Variants in EWSR1 observed in about 807,000 individuals in gnomAD.
EWSR1 encodes RNA-binding protein EWS.
Under a neutral mutation model 92.1 loss-of-function variants are expected in EWSR1, and 14 were observed. That is an observed-to-expected ratio of 0.15 (90% confidence interval 0.10 to 0.24). The LOEUF is 0.24. Among genes scored for constraint, EWSR1 ranks in the 10% least tolerant of loss-of-function variants. The pLI, the probability that EWSR1 is intolerant of heterozygous loss-of-function variation, is 1.00. For synonymous variants in EWSR1, 303 were observed against 292.9 expected, an observed-to-expected ratio of 1.03 and a Z score of -0.35; for missense variants, 637 against 870.9, an observed-to-expected ratio of 0.73 and a Z score of 3.38.
chr22:29,268,511 C>G (rs1390887643), intron 1 of EWSR1, among the ~76,000 whole-genome samples, 162 bp downstream of exon 1: 1 of 152,204 alleles, frequency 6.6e-6, no homozygotes. Flanking sequence ...TTCCTCTCCC[C>G]TCCCCCAACC....
intron 11 of EWSR1, chr22:29,295,491 T>C (rs2060785264): frequency 4.8e-6 from 1 of 209,536 alleles, no homozygotes; most frequent in Non-Finnish European, 9.7e-6. Flanking sequence ...ATTTCCACAT[T>C]ATTCATACCA....
At chr22:29,278,259 G>T in intron 5 of EWSR1, 43 bp downstream of exon 5, 1 of 1,578,586 alleles carries the variant, frequency 6.3e-7, no homozygotes. Context: ...TATGTTGGAG[G>T]GAAAGAAAGC....
chr22:29,299,903 G>A, intron 16 of EWSR1, 52 bp downstream of exon 16: 2 of 1,532,162 alleles, frequency 1.3e-6, no homozygotes, highest in Middle Eastern at 3.9e-4. Context: ...TAAGAGGACA[G>A]CCCTTCCCAG....
intron 15 of EWSR1, 102 bp downstream of exon 15, chr22:29,299,433 T>C (rs1176115227): frequency 2.0e-6 from 3 of 1,510,566 alleles, no homozygotes; most frequent in African/African-American, 1.4e-5. Context: ...CTTAACAACT[T>C]TGAGTTGTCG....
chr22:29,298,501 C>A (rs1280120295), intron 13 of EWSR1, among the ~76,000 whole-genome samples: 1 of 136,730 alleles, frequency 7.3e-6, no homozygotes. Flanking sequence ...TGTGAGACTC[C>A]GTCTCCAAAA....
At chr22:29,279,635 T>G (rs1304656352) in intron 5 of EWSR1, among the ~76,000 whole-genome samples, 1 of 152,234 alleles carries the variant, frequency 6.6e-6, no homozygotes, top group Admixed American at 6.5e-5. Context: ...GAAGACATTT[T>G]AGGAAATCAA....
intron 4 of EWSR1, chr22:29,275,709 A>G: frequency 4.4e-6 from 1 of 229,638 alleles, no homozygotes; most frequent in Non-Finnish European, 8.6e-6. Flanking sequence ...GAGGGAATAC[A>G]TAGAAATACA....
At chr22:29,285,747 G>A (rs2059976399) in intron 6 of EWSR1, among the ~76,000 whole-genome samples, 1 of 151,234 alleles carries the variant, frequency 6.6e-6, no homozygotes, top group Non-Finnish European at 1.5e-5. Flanking sequence ...CATTTCACTG[G>A]GTCAGCCTTC....
intron 5 of EWSR1, among the ~76,000 whole-genome samples, chr22:29,280,488 C>G (rs1489138187): frequency 2.6e-5 from 4 of 152,146 alleles, no homozygotes; most frequent in Admixed American, 6.5e-5. Flanking sequence ...TTCCTTGGAA[C>G]TGAGATTAAT....
chr22:29,292,475 T>A lies in EWSR1; in HGVS notation c.1046-13T>A. On this transcript the variant is annotated splice_polypyrimidine_tract_variant and intron_variant, in intron 10 of 16. Transcript: ENST00000397938. The stretch of plus-strand genomic sequence containing the variant: ...ACATGATAATAATTCTCCTGTCTTG[T>A]TGTCTCTGAAAGGCCCACCTGTAGA... 1 of 1,549,262 alleles carries A rather than the reference T, an allele frequency of 6.5e-7. No individual in the cohort carries two copies. The highest frequency in any genetic ancestry group is 8.9e-7 in the Non-Finnish European group (1 of 1,123,798).
intron 5 of EWSR1, among the ~76,000 whole-genome samples, chr22:29,279,669 C>G (rs2059409023): frequency 6.6e-6 from 1 of 152,196 alleles, no homozygotes; most frequent in African/African-American, 2.4e-5. Flanking sequence ...TATATCTGCT[C>G]TAGAGGTAAG....
chr22:29,287,221 CT>C, intron 7 of EWSR1, 87 bp downstream of exon 7: 1 of 1,328,964 alleles, frequency 7.5e-7, no homozygotes, highest in Non-Finnish European at 1.1e-6. Flanking sequence ...GTTTGTTTTT[CT>C]TTTGAGATGG....
chr22:29,282,792 T>A (rs1022094983), intron 6 of EWSR1, among the ~76,000 whole-genome samples: 1 of 148,920 alleles, frequency 6.7e-6, no homozygotes, highest in Admixed American at 6.8e-5. Context: ...AGACGGAGTC[T>A]CTCTCTGTCG....
At chr22:29,289,967 AATAGAC>A (rs1327337778) in intron 8 of EWSR1, 4 of 231,930 alleles carry the variant, frequency 1.7e-5, no homozygotes, top group African/African-American at 6.6e-5. Flanking sequence ...GATGTTTTAA[AATAGAC>A]ATAGACACTT....
In EWSR1 at chr22:29,285,008, G is replaced by A. The variant is rs557039786; in HGVS notation, c.582-1915G>A. Among the ~76,000 whole-genome samples the A allele has an allele frequency of 7.3e-5, 11 of 151,066 alleles. 1 individual carries two copies. The highest frequency in any genetic ancestry group is 2.2e-4 in the African/African-American group (9 of 40,470). ...CTAATTTTGTATTTTTAGTAGAGAC[G>A]GTGTTTTTCCATGTTGGTCAGGCTA... On this transcript the variant is annotated intron_variant, in intron 6 of 16. Transcript: ENST00000397938.
At chr22:29,268,400 C>T (rs374736877) in intron 1 of EWSR1, 51 bp downstream of exon 1, 9 of 1,613,648 alleles carry the variant, frequency 5.6e-6, no homozygotes, top group Admixed American at 1.7e-5. Context: ...AACGCCCAAA[C>T]TGGGGGTCGT....
chr22:29,299,359 T>C, intron 15 of EWSR1, 28 bp downstream of exon 15: 12 of 1,602,568 alleles, frequency 7.5e-6, no homozygotes, highest in Non-Finnish European at 1.0e-5. Context: ...GAGTGTCCCC[T>C]CAGCTTCCTG....
intron 9 of EWSR1, 64 bp from the exon 10 acceptor site, chr22:29,292,073 G>T: frequency 1.4e-6 from 2 of 1,430,922 alleles, no homozygotes; most frequent in Non-Finnish European, 9.9e-7. Context: ...ATGTGTGTTT[G>T]TAAGGTTTGT....
At chr22:29,297,265 G>A (rs1371562724) in intron 12 of EWSR1, among the ~76,000 whole-genome samples, 2 of 152,126 alleles carry the variant, frequency 1.3e-5, no homozygotes, top group Admixed American at 6.5e-5. Context: ...AATCTTGTGC[G>A]TCAGCCACTC....
Sources: gnomAD v4.1 joint callset for allele counts (sites outside exome capture counted in the v4.1 genomes callset) on GRCh38, gnomAD v4.1.1 for gene constraint, MANE v1.5 for transcripts, NCBI Gene and HGNC (gene_info 2026-07-23, HGNC 2026-07-21) for gene names.